ZFPM1: variants seen among roughly 807,000 people sequenced by gnomAD.
The protein encoded by ZFPM1 is zinc finger protein ZFPM1.
Under a neutral mutation model 46.3 loss-of-function variants are expected in ZFPM1, and 28 were observed. The observed-to-expected ratio is 0.60, with a 90% CI of 0.45 to 0.83. ZFPM1 has a LOEUF of 0.83. Ranked by LOEUF, ZFPM1 falls within the 40% of genes least tolerant of loss-of-function variation. ZFPM1 has a pLI of 0.00. For missense variants in ZFPM1, 1,878 were observed against 1,432.4 expected (o/e 1.31, Z -5.02); for synonymous variants, 957 against 675.9 (o/e 1.42, Z -6.45).
intron 1 of ZFPM1, among the ~76,000 whole-genome samples, chr16:88,473,466 G>A (rs912992832): frequency 6.6e-6 from 1 of 152,176 alleles, no homozygotes; most frequent in Non-Finnish European, 1.5e-5. Flanking sequence ...GGGCCGCAGG[G>A]CGGGAGGAGG....
intron 3 of ZFPM1, among the ~76,000 whole-genome samples, chr16:88,501,246 C>G (rs1451158265): frequency 8.6e-6 from 1 of 116,906 alleles, no homozygotes; most frequent in African/African-American, 3.4e-5. Context: ...GGCTCTCCCG[C>G]AGGTACTGGT....
chr16:88,510,934 G>A (rs960625948), intron 3 of ZFPM1, among the ~76,000 whole-genome samples: 1 of 152,196 alleles, frequency 6.6e-6, no homozygotes, highest in Admixed American at 6.5e-5. Flanking sequence ...CGTGGGGCAG[G>A]TACTCAGTTG....
In ZFPM1 at chr16:88,535,030, G is replaced by T. The variant is rs1463280997; in HGVS notation, c.*51G>T. The T allele has an allele frequency of 1.5e-6, 2 of 1,355,894 alleles. No homozygotes were observed. Among genetic ancestry groups the T allele is most frequent in the Non-Finnish European group, 1.9e-6 (2 of 1,046,146 alleles). The allele number at this position is 1,355,894 out of a possible 1,614,324, so 84.0% of individuals were successfully genotyped here. A position where few individuals can be genotyped will look rare whatever the true frequency, so the allele number is the denominator to read the frequency against. ...TTTGCACGCCCCGCTGCGATGCGGG[G>T]AGGGGGCCGCCCCCAGGCCGCACGG... On this transcript the variant is annotated 3_prime_UTR_variant, in exon 10 of 10. Transcript: ENST00000319555.
At position 88,535,540 on chromosome 16, in the gene ZFPM1, C is replaced by CA. The variant is rs1311904339; in HGVS notation, c.*562dup. 6.6e-6 allele frequency: 1 copy of CA among 152,420 alleles called. No homozygotes were observed. Among genetic ancestry groups the CA allele is most frequent in the African/African-American group, 2.4e-5 (1 of 41,478 alleles). The allele number at this position is 152,420 out of a possible 1,614,324, so 9.4% of individuals were successfully genotyped here. On this transcript the variant is annotated 3_prime_UTR_variant, in exon 10 of 10. Coordinates refer to ENST00000319555, the MANE Select transcript of ZFPM1 (RefSeq NM_153813.3). ...GGGTCCGATGTCCCCCATCCAGTCA[C>CA]AGACCACCAGGGATGGCAGGGGTGG...
intron 1 of ZFPM1, among the ~76,000 whole-genome samples, chr16:88,485,605 A>G (rs559835216): frequency 2.1e-4 from 32 of 151,096 alleles, no homozygotes; most frequent in African/African-American, 6.8e-4. Context: ...ACACCCAGCT[A>G]ATTTTTGTAT....
In ZFPM1 at chr16:88,519,270, GGGATGGAT is replaced by G. The variant is rs758724772; in HGVS notation, c.402+4769_402+4776del. Among the ~76,000 whole-genome samples the G allele has an allele frequency of 8.7e-3, 1,128 of 129,942 alleles. 11 individuals are homozygous for G. The highest frequency in any genetic ancestry group is 0.032 in the African/African-American group (1,061 of 33,572). 85.2% of individuals were successfully genotyped at this position (129,942 alleles called of 152,430 possible). ...GTGGATGGATAGATGGATGAGTGGA[GGGATGGAT>G]GGATGGATGGATGGATGGGTGGGTG... On this transcript the variant is annotated intron_variant, in intron 4 of 9. Transcript: ENST00000319555.
intron 5 of ZFPM1, among the ~76,000 whole-genome samples, chr16:88,527,157 C>CG (rs924002244): frequency 5.9e-5 from 9 of 151,818 alleles, no homozygotes; most frequent in Admixed American, 1.3e-4. Flanking sequence ...GTGTCCGTGG[C>CG]GGGGGGGTGG....
At chr16:88,463,516 A>T (rs1907993916) in intron 1 of ZFPM1, among the ~76,000 whole-genome samples, 1 of 152,236 alleles carries the variant, frequency 6.6e-6, no homozygotes, top group Admixed American at 6.5e-5. Context: ...GCCTCGCACT[A>T]GGCCACCGTG....
At chr16:88,452,226 G>C (rs771372758), upstream of ZFPM1, among the ~76,000 whole-genome samples, 1 of 152,214 alleles carries the variant, frequency 6.6e-6, no homozygotes, top group Non-Finnish European at 1.5e-5. Flanking sequence ...CCCAATGCGT[G>C]ACCTTGAGCA....
rs1909196954 is a variant in ZFPM1 at position 88,485,959 on chromosome 16, G to A, written c.61G>A (p.Ala21Thr). 6.2e-7 allele frequency: 1 copy of A among 1,612,892 alleles called. No homozygotes were observed. The highest frequency in any genetic ancestry group is 8.5e-7 in the Non-Finnish European group (1 of 1,179,864). The change falls in exon 2 of 10, where the codon GCC (alanine) becomes ACC (threonine). Residue 21 changes from alanine (A) to threonine (T), a missense_variant. Ala to Thr is a moderately conservative substitution (Grantham distance 58). Transcript: ENST00000319555. ...QIKRSLGDMEAREEVQLVGAS... is the reference protein window; with the variant it reads ...QIKRSLGDMETREEVQLVGAS... Reference sequence around the variant, plus strand: ...CACAGGTTCCCTCGGAGACATGGAGGCCAGAGAGGAGGTGCAGTTGGTGGG... The same window carrying A: ...CACAGGTTCCCTCGGAGACATGGAGACCAGAGAGGAGGTGCAGTTGGTGGG...
At chr16:88,510,282 C>G (rs1278392627) in intron 3 of ZFPM1, among the ~76,000 whole-genome samples, 3 of 152,206 alleles carry the variant, frequency 2.0e-5, no homozygotes, top group Non-Finnish European at 2.9e-5. Flanking sequence ...CAGGCACCCC[C>G]AAAAGGCCCT....
At chr16:88,513,682 C>T (rs193039844) in intron 3 of ZFPM1, among the ~76,000 whole-genome samples, 1 of 152,342 alleles carries the variant, frequency 6.6e-6, no homozygotes, top group East Asian at 1.9e-4. Context: ...GCTAAGTTAG[C>T]GTGACCTGGG....
rs983816614 is a variant in ZFPM1, at chr16:88,497,840, G to T, written c.268+8687G>T. Among the ~76,000 whole-genome samples the T allele has an allele frequency of 6.6e-6, 1 of 152,168 alleles. No individual in the cohort carries two copies. Among genetic ancestry groups the T allele is most frequent in the Non-Finnish European group, 1.5e-5 (1 of 68,014 alleles). ...GGGCGTCGGGCTGGTTATCTGGGCC[G>T]AGCTCCATCTGACTAATCTCGCCGG... is the stretch of plus-strand genomic sequence containing the variant. On this transcript the variant is annotated intron_variant, in intron 3 of 9. Coordinates refer to ENST00000319555, the MANE Select transcript of ZFPM1 (RefSeq NM_153813.3). This position sits in a 1 kb window ranked among gnomAD's most constrained non-coding sequence, Gnocchi z 5.4.
rs576723571 is a variant in ZFPM1 at position 88,500,242 on chromosome 16, T to A, written c.268+11089T>A. On this transcript the variant is annotated intron_variant, in intron 3 of 9. Coordinates refer to ENST00000319555, the MANE Select transcript of ZFPM1 (RefSeq NM_153813.3). ...CTGGGCGAGCCCCTGGAGCCCCGGC[T>A]ACTGCCCAGAAGCTTCCCTCCTTGC... Among the ~76,000 whole-genome samples, 48 of 151,962 alleles carry A rather than the reference T, an allele frequency of 3.2e-4. 2 individuals are homozygous for A. In the South Asian group the frequency reaches 9.5e-3, roughly 30 times the overall value.
chr16:88,469,262 C>T lies in ZFPM1; in HGVS notation c.40+15584C>T, dbSNP rs34088055. Among the ~76,000 whole-genome samples the T allele has an allele frequency of 0.41, 62,656 of 152,098 alleles. 14,303 individuals are homozygous for T. Among genetic ancestry groups the T allele is most frequent in the African/African-American group, 0.6 (24,891 of 41,486 alleles). ...TCTGAAGTGCCGGCCGGGCCAGGGA[C>T]GTGGCACCATCTTAATGAATGACAG... On this transcript the variant is annotated intron_variant, in intron 1 of 9. Coordinates refer to ENST00000319555, the MANE Select transcript of ZFPM1 (RefSeq NM_153813.3). The surrounding 1 kb of genome is among the most constrained non-coding windows in gnomAD (Gnocchi z 4.3).
rs758199020 is a variant in ZFPM1, at chr16:88,533,525, G to A, written c.1567G>A (p.Ala523Thr). ...PVPGELGLAG[A>T]LFLPQYVFGP... The stretch of plus-strand genomic sequence containing the variant: ...GCCCGGCGAGCTGGGCCTGGCCGGG[G>A]CCCTGTTCCTTCCGCAGTACGTGTT... Residue 523 changes from alanine to threonine, a missense_variant, in exon 10 of 10, where the codon GCC (alanine) becomes ACC (threonine). Coordinates refer to ENST00000319555, the MANE Select transcript of ZFPM1 (RefSeq NM_153813.3). 2.8e-6 allele frequency: 4 copies of A among 1,448,108 alleles called. No individual in the cohort carries two copies. In the South Asian group the frequency reaches 3.9e-5, roughly 14 times the overall value. The allele number at this position is 1,448,108 out of a possible 1,614,324, so 89.7% of individuals were successfully genotyped here.
At chr16:88,500,217 C>A (rs192242353) in intron 3 of ZFPM1, among the ~76,000 whole-genome samples, 242 of 152,288 alleles carry the variant, frequency 1.6e-3, no homozygotes, top group Non-Finnish European at 2.9e-3. Context: ...CCAGAGTCAC[C>A]TGGGCGAGCC....
At chr16:88,474,658 C>A (rs1908591880) in intron 1 of ZFPM1, among the ~76,000 whole-genome samples, 1 of 152,142 alleles carries the variant, frequency 6.6e-6, no homozygotes, top group South Asian at 2.1e-4. Context: ...TCTGAGAAGC[C>A]CTGGTGACCA....
In ZFPM1 at chr16:88,469,198, C is replaced by A. The variant is rs1162643598; in HGVS notation, c.40+15520C>A. ...TGCCCCCCACCGCTCCACCCTCTCC[C>A]CGCGCTGACTTCCATCCGGAACCTC... is the stretch of plus-strand genomic sequence containing the variant. On this transcript the variant is annotated intron_variant, in intron 1 of 9. Transcript: ENST00000319555. The surrounding 1 kb of genome is among the most constrained non-coding windows in gnomAD (Gnocchi z 4.3). 6.6e-6 allele frequency among the ~76,000 whole-genome samples: 1 copy of A among 152,242 alleles called. No individual in the cohort carries two copies. Among genetic ancestry groups the A allele is most frequent in the Admixed American group, 6.5e-5 (1 of 15,284 alleles).
Sources: allele counts gnomAD v4.1 joint callset (sites outside exome capture counted in the v4.1 genomes callset), GRCh38; gene constraint gnomAD v4.1.1; non-coding constraint Gnocchi (gnomAD v3.1); transcripts MANE v1.5; gene names NCBI Gene and HGNC (gene_info 2026-07-23, HGNC 2026-07-21).